Variants in AKAP6 observed in about 807,000 individuals in gnomAD.
AKAP6 encodes A-kinase anchor protein 6.
A neutral mutation model predicts 188.5 loss-of-function variants in AKAP6; 58 were observed. That is an observed-to-expected ratio of 0.31 (90% CI 0.25 to 0.38). The LOEUF (loss-of-function observed/expected upper bound fraction) is 0.38, where lower values mean the gene tolerates loss of function less well. AKAP6 is among the 10% of genes least tolerant of loss of function. The pLI is 1.00. For synonymous variants in AKAP6, 989 were observed against 998.6 expected (o/e 0.99, Z 0.18); for missense variants, 2,710 against 2,740.0 (o/e 0.99, Z 0.24).
chr14:32,514,315 T>G (rs1213251273), intron 2 of AKAP6, among the ~76,000 whole-genome samples: 1 of 152,220 alleles, frequency 6.6e-6, no homozygotes, highest in Non-Finnish European at 1.5e-5. Context: ...ACAGACATAC[T>G]GTAGTTGTTT....
intron 12 of AKAP6, among the ~76,000 whole-genome samples, chr14:32,820,789 G>T (rs998368984): frequency 5.3e-5 from 8 of 152,262 alleles, no homozygotes; most frequent in Admixed American, 1.3e-4. Context: ...TGGGAGCAGG[G>T]CCACAGTCTG....
chr14:32,449,943 G>C (rs2138771393), intron 2 of AKAP6, among the ~76,000 whole-genome samples: 1 of 152,226 alleles, frequency 6.6e-6, no homozygotes, highest in African/African-American at 2.4e-5. Flanking sequence ...GGCTGGAATG[G>C]GAGTTCTTCA....
chr14:32,615,591 CTTTT>C (rs779867395), intron 7 of AKAP6, among the ~76,000 whole-genome samples: 1 of 115,304 alleles, frequency 8.7e-6, no homozygotes. Context: ...TAAACCATTA[CTTTT>C]TTTTTTTTTT....
chr14:32,691,043 G>A (rs150330296), intron 8 of AKAP6, among the ~76,000 whole-genome samples: 1,966 of 152,260 alleles, frequency 0.013, 28 homozygotes, highest in Non-Finnish European at 0.017. Flanking sequence ...GCTCACAAAT[G>A]AGAGTGAATG....
chr14:32,778,392 C>T (rs1050712123), intron 12 of AKAP6, among the ~76,000 whole-genome samples: 1 of 151,100 alleles, frequency 6.6e-6, no homozygotes, highest in Non-Finnish European at 1.5e-5. Flanking sequence ...AGAAGTCAAA[C>T]GTATGACAAC....
chr14:32,555,178 G>C (rs550461187), intron 4 of AKAP6, among the ~76,000 whole-genome samples: 1 of 152,266 alleles, frequency 6.6e-6, no homozygotes, highest in Admixed American at 6.5e-5. Context: ...TTTGTAACTA[G>C]ACTGTAAAAT....
At chr14:32,353,384 AC>A (rs898276222) in intron 1 of AKAP6, among the ~76,000 whole-genome samples, 5 of 152,186 alleles carry the variant, frequency 3.3e-5, no homozygotes, top group Admixed American at 1.3e-4. Context: ...ACACGGTGAA[AC>A]CCTGTCTCTA....
chr14:32,519,520 AC>A (rs1881706691), intron 2 of AKAP6, among the ~76,000 whole-genome samples: 3 of 152,026 alleles, frequency 2.0e-5, no homozygotes, highest in African/African-American at 7.3e-5. Flanking sequence ...CAAATGGAAA[AC>A]AAAAAAAAAG....
intron 1 of AKAP6, among the ~76,000 whole-genome samples, chr14:32,418,384 C>T (rs1889728061): frequency 6.6e-6 from 1 of 152,128 alleles, no homozygotes; most frequent in Non-Finnish European, 1.5e-5. Context: ...AAATCATGAC[C>T]CTGCTTAGAA....
chr14:32,430,018 A>G (rs1229830842), intron 1 of AKAP6, among the ~76,000 whole-genome samples: 1 of 152,234 alleles, frequency 6.6e-6, no homozygotes, highest in Admixed American at 6.5e-5. Context: ...TCCTCTGGGA[A>G]GAATTAACAA....
At chr14:32,395,755 T>C (rs1261414230) in intron 1 of AKAP6, among the ~76,000 whole-genome samples, 1 of 152,224 alleles carries the variant, frequency 6.6e-6, no homozygotes, top group Non-Finnish European at 1.5e-5. Context: ...CTCCATCCCT[T>C]ATACCTCAGA....
chr14:32,330,519 T>C (rs1340565031), intron 1 of AKAP6, among the ~76,000 whole-genome samples: 8 of 151,978 alleles, frequency 5.3e-5, no homozygotes, highest in Non-Finnish European at 8.8e-5. Context: ...GTCAGTTCAA[T>C]TGATCAATAT....
Position 32,690,429 on chromosome 14 carries a change from A to C in AKAP6, c.2880-5561A>C, listed in dbSNP as rs140723494. Among the ~76,000 whole-genome samples the C allele has an allele frequency of 6.1e-4, 93 of 152,320 alleles. No individual in the cohort carries two copies. The East Asian group carries it at 0.01, about 17-fold the overall frequency. On this transcript the variant is annotated intron_variant, in intron 8 of 13. Transcript: ENST00000280979. ...TAGCTAGTCAAATATAACTCCCATC[A>C]GGGTTTAGAGGAAGGATTATTTCTT... is the stretch of plus-strand genomic sequence containing the variant.
In AKAP6 at chr14:32,545,876, A is replaced by C. The variant is rs17099240; in HGVS notation, c.1223A>C (p.Asn408Thr). The C allele has an allele frequency of 6.2e-7, 1 of 1,614,090 alleles. No individual in the cohort carries two copies. The highest frequency in any genetic ancestry group is 1.1e-5 in the South Asian group (1 of 91,074). ...EETFKNDLKG[N>T]GGKRQMVDLK... Reference sequence around the variant, plus strand: ...ACTTTTAAGAATGATCTGAAAGGCAATGGTGGAAAGAGGCAAATGGTTGAT... The same window carrying C: ...ACTTTTAAGAATGATCTGAAAGGCACTGGTGGAAAGAGGCAAATGGTTGAT... Residue 408 changes from asparagine (N) to threonine (T), a missense_variant, in exon 4 of 14, where the codon AAT becomes ACT. Coordinates refer to ENST00000280979, the MANE Select transcript of AKAP6 (RefSeq NM_004274.5).
rs187586953 is a variant in AKAP6, at chr14:32,740,312, C to T, written c.3372+4430C>T. 3.7e-3 allele frequency among the ~76,000 whole-genome samples: 557 copies of T among 152,112 alleles called. 2 individuals carry two copies. The highest frequency in any genetic ancestry group is 0.024 in the Middle Eastern group (7 of 294). ...GATGGGTAGTTTGCAAATATTTTCT[C>T]CCATTCTGTGGGTTGTGTCTTCATC... On this transcript the variant is annotated intron_variant, in intron 11 of 13. Transcript: ENST00000280979.
rs765060750 is a variant in AKAP6 at position 32,773,900 on chromosome 14, G to C, written c.3588+7G>C. 6.2e-7 allele frequency: 1 copy of C among 1,612,680 alleles called. No individual in the cohort carries two copies. Among genetic ancestry groups the C allele is most frequent in the Non-Finnish European group, 8.5e-7 (1 of 1,178,862 alleles). On this transcript the variant is annotated splice_region_variant and intron_variant, in intron 12 of 13. Transcript: ENST00000280979. ...GAAGATGGGAAAGGAATCTGTGAGT[G>C]ATGCTTTTTTTAAGCATAATTGTCT...
intron 2 of AKAP6, among the ~76,000 whole-genome samples, chr14:32,492,882 T>A (rs7149715): frequency 0.088 from 13,398 of 152,200 alleles, 1,718 homozygotes; most frequent in African/African-American, 0.28. Flanking sequence ...GTGCCACCAG[T>A]TTATGTCAAA....
At chr14:32,540,186 A>T (rs1379520137) in intron 3 of AKAP6, among the ~76,000 whole-genome samples, 1 of 136,786 alleles carries the variant, frequency 7.3e-6, no homozygotes, top group Non-Finnish European at 1.5e-5. Context: ...ATATATATAT[A>T]TATATATTTT....
chr14:32,513,740 A>T, intron 2 of AKAP6, among the ~76,000 whole-genome samples: 1 of 152,234 alleles, frequency 6.6e-6, no homozygotes, highest in East Asian at 1.9e-4. Flanking sequence ...GATAAACAGT[A>T]CAATAAAAAT....
Sources: allele counts gnomAD v4.1 joint callset (sites outside exome capture counted in the v4.1 genomes callset), GRCh38; gene constraint gnomAD v4.1.1; transcripts MANE v1.5; gene names NCBI Gene and HGNC (gene_info 2026-07-23, HGNC 2026-07-21).